Variants in ZNF577 observed in about 807,000 individuals in gnomAD.
ZNF577 encodes zinc finger protein 577.
In ZNF577, 14 loss-of-function variants were observed where a neutral mutation model predicts 13.9. The observed-to-expected ratio is 1.00, with a 90% CI of 0.66 to 1.57. ZNF577 has a LOEUF of 1.57. Ranked by LOEUF, ZNF577 falls within the 40% of genes most tolerant of loss-of-function variation. The pLI is 0.00. For missense variants in ZNF577, 555 were observed against 579.2 expected, an observed-to-expected ratio of 0.96 and a Z score of 0.43; for synonymous variants, 203 against 202.9, an observed-to-expected ratio of 1.00 and a Z score of 0.00.
At chr19:51,836,492 G>A (rs10422984) in intron 9 of ZNF577, among the ~76,000 whole-genome samples, 58,473 of 151,652 alleles carry the variant, frequency 0.39, 11,425 homozygotes, top group South Asian at 0.48. Context: ...GTACCTGTTG[G>A]CCATTTCTAT....
chr19:51,825,606 A>G (rs1311040802), intron 9 of ZNF577: 1 of 167,154 alleles, frequency 6.0e-6, no homozygotes, highest in Non-Finnish European at 1.5e-5. Context: ...AGCAGAAACC[A>G]TGGGCTAAAA....
chr19:51,826,809 C>T (rs1193078137), intron 9 of ZNF577, among the ~76,000 whole-genome samples: 2 of 152,136 alleles, frequency 1.3e-5, no homozygotes, highest in African/African-American at 4.8e-5. Flanking sequence ...GTTGGGAAGG[C>T]AATCATAGGA....
chr19:51,837,075 A>T (rs1413940510), intron 9 of ZNF577, among the ~76,000 whole-genome samples: 1 of 151,648 alleles, frequency 6.6e-6, no homozygotes, highest in African/African-American at 2.4e-5. Context: ...GAAAAGAAAA[A>T]ATTATCTGAA....
intron 9 of ZNF577, among the ~76,000 whole-genome samples, chr19:51,838,933 T>C (rs1316539789): frequency 2.0e-5 from 3 of 152,110 alleles, no homozygotes; most frequent in Non-Finnish European, 4.4e-5. Context: ...AAACGAACTA[T>C]ATGAAAGCAG....
At chr19:51,885,017 T>A (rs2084921234) in intron 1 of ZNF577, among the ~76,000 whole-genome samples, 1 of 152,258 alleles carries the variant, frequency 6.6e-6, no homozygotes, top group Non-Finnish European at 1.5e-5. Context: ...TCATTTGAAA[T>A]GTATTTAGAC....
rs146538719 is a variant in ZNF577 at position 51,832,960 on chromosome 19, G to A, written c.*599+6933C>T. Among the ~76,000 whole-genome samples the A allele has an allele frequency of 2.3e-3, 354 of 152,218 alleles. 3 individuals are homozygous for A. Among genetic ancestry groups the A allele is most frequent in the African/African-American group, 8.1e-3 (337 of 41,548 alleles). The stretch of plus-strand genomic sequence containing the variant: ...GCAAGTCTTGACATACTCCAATGTT[G>A]TTCCTTTTCAAAAGTAATTTGGCTA... On this transcript the variant is annotated intron_variant and NMD_transcript_variant, in intron 9 of 10. Transcript: ENST00000638827.
chr19:51,804,690 A>G (rs2084045934), downstream of ZNF577: 1 of 152,210 alleles, frequency 6.6e-6, no homozygotes, highest in African/African-American at 2.4e-5. Context: ...GTTATATATG[A>G]GGATCTATCG....
chr19:51,828,295 G>T (rs1599844210), intron 9 of ZNF577, among the ~76,000 whole-genome samples: 1 of 151,826 alleles, frequency 6.6e-6, no homozygotes, highest in South Asian at 2.1e-4. Context: ...TTGAACCTGG[G>T]AGGTGAAGGT....
chr19:51,876,018 A>G (rs2084756235), intron 5 of ZNF577, among the ~76,000 whole-genome samples: 1 of 152,238 alleles, frequency 6.6e-6, no homozygotes, highest in African/African-American at 2.4e-5. Flanking sequence ...GAACCTAAAT[A>G]TAATGCACAG....
At chr19:51,805,416 A>C (rs1438031979) in intron 10 of ZNF577, among the ~76,000 whole-genome samples, 1 of 152,220 alleles carries the variant, frequency 6.6e-6, no homozygotes, top group Non-Finnish European at 1.5e-5. Context: ...GTGCCTATTT[A>C]AATCAAGAAT....
At chr19:51,863,313 G>C (rs548655649), downstream of ZNF577, 1 of 152,162 alleles carries the variant, frequency 6.6e-6, no homozygotes. Context: ...GCTAGTGTAC[G>C]CACAACAGAG....
rs2084650412 is a variant in ZNF577, at chr19:51,870,989, A to G, written c.*1543T>C. 6.6e-6 allele frequency among the ~76,000 whole-genome samples: 1 copy of G among 152,208 alleles called. No individual in the cohort carries two copies. The highest frequency in any genetic ancestry group is 2.4e-5 in the African/African-American group (1 of 41,460). On this transcript the variant is annotated 3_prime_UTR_variant, in exon 6 of 6. Transcript: ENST00000638348. Reference sequence around the variant, plus strand: ...TTTAAGGCAGGAGATTATATACATTAGACATTTACTGTAAAAGAAAAAGGG... The same window carrying G: ...TTTAAGGCAGGAGATTATATACATTGGACATTTACTGTAAAAGAAAAAGGG...
Position 51,873,422 on chromosome 19 carries a change from C to T in ZNF577, c.568G>A (p.Glu190Lys). The T allele has an allele frequency of 1.2e-6, 2 of 1,614,178 alleles. No homozygotes were observed. Among genetic ancestry groups the T allele is most frequent in the Non-Finnish European group, 8.5e-7 (1 of 1,180,030 alleles). ...ERGEKPHGCGECGKTFMRKIQ... is the reference protein window; with the variant it reads ...ERGEKPHGCGKCGKTFMRKIQ... ...TTCCTCATGAATGTTTTCCCACATT[C>T]ACCACATCCATGGGGTTTCTCTCCT... Residue 190 changes from glutamate to lysine, a missense_variant, in exon 6 of 6, where the codon GAA becomes AAA. Glu to Lys is a moderately conservative substitution (Grantham distance 56). Transcript: ENST00000638348.
At chr19:51,839,493 G>A (rs10406078) in intron 9 of ZNF577, among the ~76,000 whole-genome samples, 2,748 of 152,226 alleles carry the variant, frequency 0.018, 106 homozygotes, top group African/African-American at 0.063. Context: ...GCTGAATCTA[G>A]GTGATGGGTA....
At chr19:51,823,731 T>A in intron 9 of ZNF577, 2 of 1,550,286 alleles carry the variant, frequency 1.3e-6, no homozygotes, top group Non-Finnish European at 1.7e-6. Context: ...ATTGCTGAAA[T>A]GTTTCAGGTG....
intron 5 of ZNF577, among the ~76,000 whole-genome samples, chr19:51,853,492 G>C (rs936237723): frequency 6.6e-6 from 1 of 152,172 alleles, no homozygotes; most frequent in African/African-American, 2.4e-5. Context: ...TGGATCTTGG[G>C]TGAACTGCGT....
chr19:51,831,273 C>T (rs923068358), intron 9 of ZNF577, among the ~76,000 whole-genome samples: 7 of 152,010 alleles, frequency 4.6e-5, no homozygotes, highest in South Asian at 2.1e-4. Context: ...CATGCCACCC[C>T]GCCTGGCTAA....
chr19:51,857,403 A>AAAGAAAGAAAGAAAGG, intron 5 of ZNF577, among the ~76,000 whole-genome samples: 1 of 124,638 alleles, frequency 8.0e-6, no homozygotes, highest in Admixed American at 8.0e-5. Flanking sequence ...AGAAAGAAAG[A>AAAGAAAGAAAGAAAGG]AAGAAAGAAA....
chr19:51,809,224 AAGT>A (rs1179714995), intron 10 of ZNF577, among the ~76,000 whole-genome samples: 1 of 152,202 alleles, frequency 6.6e-6, no homozygotes, highest in Non-Finnish European at 1.5e-5. Flanking sequence ...TAAGACTGAA[AAGT>A]ACATGACTGT....
Sources: allele counts gnomAD v4.1 joint callset (sites outside exome capture counted in the v4.1 genomes callset), GRCh38; gene constraint gnomAD v4.1.1; transcripts MANE v1.5; gene names NCBI Gene and HGNC (gene_info 2026-07-23, HGNC 2026-07-21).